Variants in COL23A1 observed in about 807,000 individuals in gnomAD.
COL23A1 encodes collagen type XXIII alpha 1 chain.
Under a neutral mutation model 99.3 loss-of-function variants are expected in COL23A1, and 97 were observed. The observed-to-expected ratio is 0.98, with a 90% CI of 0.83 to 1.16. COL23A1 has a LOEUF of 1.16. Among genes scored for constraint, COL23A1 ranks in the 50% most tolerant of loss-of-function variants. The pLI, the probability that COL23A1 is intolerant of heterozygous loss-of-function variation, is 0.00. For missense variants in COL23A1, 762 were observed against 757.4 expected, an observed-to-expected ratio of 1.01 and a Z score of -0.07; for synonymous variants, 320 against 308.2, an observed-to-expected ratio of 1.04 and a Z score of -0.40.
chr5:178,317,159 A>G (rs1383303179), intron 2 of COL23A1, among the ~76,000 whole-genome samples: 1 of 152,186 alleles, frequency 6.6e-6, no homozygotes, highest in Non-Finnish European at 1.5e-5. Flanking sequence ...AGTTTGTGAT[A>G]TTCTCTCTGC....
intron 4 of COL23A1, chr5:178,288,695 GA>G: frequency 5.1e-6 from 2 of 388,940 alleles, no homozygotes; most frequent in Non-Finnish European, 4.9e-6. Flanking sequence ...ACCAGGAACT[GA>G]AAATGCTCCT....
intron 2 of COL23A1, among the ~76,000 whole-genome samples, chr5:178,478,245 G>C (rs919398240): frequency 6.6e-6 from 1 of 152,182 alleles, no homozygotes; most frequent in Non-Finnish European, 1.5e-5. Flanking sequence ...ACCAGGGCTT[G>C]GCCAGGAGAA....
In COL23A1 at chr5:178,307,392, C is replaced by T. The variant is rs2860459; in HGVS notation, c.362-473G>A. ...CAAAGAGGCCATCACGGCCGCGCAGCGCCGAAATCCACTCATGACAGGCAC... is the reference window on the plus strand; with the variant it reads ...CAAAGAGGCCATCACGGCCGCGCAGTGCCGAAATCCACTCATGACAGGCAC... On this transcript the variant is annotated intron_variant, in intron 2 of 28. Transcript: ENST00000390654. The surrounding 1 kb of genome is among the most constrained non-coding windows in gnomAD (Gnocchi z 4.2). Among the ~76,000 whole-genome samples the T allele has an allele frequency of 0.65, 98,919 of 152,140 alleles. 32,851 individuals are homozygous for T. The highest frequency in any genetic ancestry group is 0.72 in the Non-Finnish European group (48,860 of 67,992).
chr5:178,321,456 C>G (rs1372092184), intron 2 of COL23A1, among the ~76,000 whole-genome samples: 1 of 150,578 alleles, frequency 6.6e-6, no homozygotes, highest in East Asian at 1.9e-4. Flanking sequence ...CATGTTATAA[C>G]CTGTGATGAC....
intron 5 of COL23A1, among the ~76,000 whole-genome samples, chr5:178,272,956 A>G (rs1476127864): frequency 6.6e-6 from 1 of 152,176 alleles, no homozygotes; most frequent in African/African-American, 2.4e-5. Context: ...CTTACGGAGA[A>G]GGAAACTGAG....
chr5:178,412,109 G>GT (rs1554162100), intron 2 of COL23A1, among the ~76,000 whole-genome samples: 1 of 152,184 alleles, frequency 6.6e-6, no homozygotes, highest in Non-Finnish European at 1.5e-5. Flanking sequence ...TGGAAGCAGC[G>GT]TAAGTATCGA....
chr5:178,296,105 T>C (rs563459153), intron 3 of COL23A1, among the ~76,000 whole-genome samples: 3 of 152,228 alleles, frequency 2.0e-5, no homozygotes, highest in African/African-American at 7.2e-5. Flanking sequence ...GAGAAAGCTC[T>C]GTGTCTTTGC....
intron 2 of COL23A1, among the ~76,000 whole-genome samples, chr5:178,470,257 C>T (rs6874551): frequency 0.93 from 142,032 of 152,284 alleles, 66,345 homozygotes; most frequent in East Asian, 1. Flanking sequence ...TCTGTCCCTC[C>T]TGGTCCGCTA....
At chr5:178,270,593 C>T (rs889033243) in intron 5 of COL23A1, among the ~76,000 whole-genome samples, 4 of 152,174 alleles carry the variant, frequency 2.6e-5, no homozygotes, top group Admixed American at 6.5e-5. Flanking sequence ...CTAAAGACCA[C>T]CCCCCATCTC....
rs940637564 is a variant in COL23A1, at chr5:178,434,290, C to T, written c.361+126392G>A. On this transcript the variant is annotated intron_variant, in intron 2 of 28. Coordinates refer to ENST00000390654, the MANE Select transcript of COL23A1 (RefSeq NM_173465.4). The surrounding 1 kb of genome is among the most constrained non-coding windows in gnomAD (Gnocchi z 4.3). ...CTTTTCTGCTGGCCTCTGCAGCCTT[C>T]TTGGGTACCTCCTCCTCACGTACTC... Among the ~76,000 whole-genome samples, 1 of 152,242 alleles carries T rather than the reference C, an allele frequency of 6.6e-6. No homozygotes were observed. Among genetic ancestry groups the T allele is most frequent in the African/African-American group, 2.4e-5 (1 of 41,448 alleles).
rs1380199891 is a variant in COL23A1 at position 178,259,707 on chromosome 5, T to A, written c.729+14A>T. On this transcript the variant is annotated intron_variant, in intron 12 of 28. Transcript: ENST00000390654. The stretch of plus-strand genomic sequence containing the variant: ...CAACACTGACCCGGAAGCTCCTCCA[T>A]TGGCCCCTCTCACCTTCTTTCCAGG... 1 of 1,533,328 alleles carries A rather than the reference T, an allele frequency of 6.5e-7. No homozygotes were observed. The highest frequency in any genetic ancestry group is 1.8e-5 in the Admixed American group (1 of 56,746). The allele number at this position is 1,533,328 out of a possible 1,614,324, so 95.0% of individuals were successfully genotyped here.
chr5:178,511,222 C>T (rs187776956), intron 2 of COL23A1, among the ~76,000 whole-genome samples: 75 of 152,284 alleles, frequency 4.9e-4, no homozygotes, highest in African/African-American at 1.8e-3. Context: ...GTGGGACATT[C>T]ACTGAGGAAC....
chr5:178,295,154 C>A (rs773936873), intron 3 of COL23A1, among the ~76,000 whole-genome samples: 2 of 152,196 alleles, frequency 1.3e-5, no homozygotes, highest in East Asian at 3.8e-4. Flanking sequence ...CACTGCACCC[C>A]GGCCTCGGTG....
intron 27 of COL23A1, among the ~76,000 whole-genome samples, 168 bp downstream of exon 27, chr5:178,241,874 G>A (rs893544857): frequency 1.3e-5 from 2 of 152,260 alleles, no homozygotes; most frequent in Non-Finnish European, 2.9e-5. Flanking sequence ...AAGGGGAACC[G>A]CGATGATGGC....
At chr5:178,438,349 T>C (rs1351709556) in intron 2 of COL23A1, among the ~76,000 whole-genome samples, 4 of 152,232 alleles carry the variant, frequency 2.6e-5, no homozygotes, top group African/African-American at 9.6e-5. Context: ...ATGTAGGAGC[T>C]ATCATATTGT....
rs188949989 is a variant in COL23A1, at chr5:178,502,427, A to G, written c.361+58255T>C. ...ATTACAGGCGTGAGCCACTGCGCCC[A>G]GCCAACAAGAGTTGGTATTCTTATT... On this transcript the variant is annotated intron_variant, in intron 2 of 28. Coordinates refer to ENST00000390654, the MANE Select transcript of COL23A1 (RefSeq NM_173465.4). Among the ~76,000 whole-genome samples the G allele has an allele frequency of 5.7e-3, 870 of 152,324 alleles. 5 individuals carry two copies. Among genetic ancestry groups the G allele is most frequent in the Non-Finnish European group, 7.6e-3 (514 of 68,030 alleles).
At chr5:178,271,506 G>A (rs757954635) in intron 5 of COL23A1, among the ~76,000 whole-genome samples, 20 of 152,100 alleles carry the variant, frequency 1.3e-4, no homozygotes, top group African/African-American at 2.2e-4. Flanking sequence ...ATATTCTGTC[G>A]CATGTGACAT....
intron 2 of COL23A1, among the ~76,000 whole-genome samples, chr5:178,334,139 G>A (rs1561871285): frequency 6.6e-6 from 1 of 152,188 alleles, no homozygotes; most frequent in East Asian, 1.9e-4. Context: ...GCCCTCCACT[G>A]CAGACTTGCC....
At chr5:178,558,353 C>T (rs1762389439) in intron 2 of COL23A1, among the ~76,000 whole-genome samples, 1 of 152,158 alleles carries the variant, frequency 6.6e-6, no homozygotes. Context: ...CAAGATGTGG[C>T]TCCAGTTCTG....
Sources: allele counts gnomAD v4.1 joint callset (sites outside exome capture counted in the v4.1 genomes callset), GRCh38; gene constraint gnomAD v4.1.1; non-coding constraint Gnocchi (gnomAD v3.1); transcripts MANE v1.5; gene names NCBI Gene and HGNC (gene_info 2026-07-23, HGNC 2026-07-21).